The following SRGAP2 variants were observed in gnomAD, a reference collection of about 807,000 sequenced individuals.
SRGAP2 encodes the protein SLIT-ROBO Rho GTPase activating protein 2, also known as SLIT-ROBO Rho GTPase-activating protein 2.
SRGAP2 carries 15 observed loss-of-function variants against 57.2 expected under a neutral mutation model. The observed-to-expected ratio is 0.26, with a 90% CI of 0.18 to 0.40. The LOEUF (loss-of-function observed/expected upper bound fraction) is 0.40. Ranked by LOEUF, SRGAP2 falls within the 10% of genes least tolerant of loss-of-function variation. The pLI, the probability that SRGAP2 is intolerant of heterozygous loss-of-function variation, is 1.00. For synonymous variants in SRGAP2, 249 were observed against 248.0 expected, an observed-to-expected ratio of 1.00 and a Z score of -0.04; for missense variants, 520 against 669.6, an observed-to-expected ratio of 0.78 and a Z score of 2.47.
chr1:206,322,463 C>T (rs1462989933), intron 3 of SRGAP2, among the ~76,000 whole-genome samples: 8 of 151,520 alleles, frequency 5.3e-5, no homozygotes, highest in Non-Finnish European at 1.2e-4. Flanking sequence ...GCCTGTGGTC[C>T]CAGCTACTGG....
chr1:206,437,744 TG>T, intron 15 of SRGAP2: 1 of 552,284 alleles, frequency 1.8e-6, no homozygotes. Flanking sequence ...GAGTTTATAT[TG>T]GTGGACTCAT....
At position 206,384,242 on chromosome 1, in the gene SRGAP2, A is replaced by G. The variant is rs577071115; in HGVS notation, c.486+166A>G. The stretch of plus-strand genomic sequence containing the variant: ...TCTCTTTTTTCACACTCGTCTTTTC[A>G]AAACGGAATGAGTCAAAAAATACTT... On this transcript the variant is annotated intron_variant, in intron 5 of 22. Coordinates refer to ENST00000573034, the MANE Select transcript of SRGAP2 (RefSeq NM_015326.5). 5.8e-3 allele frequency among the ~76,000 whole-genome samples: 845 copies of G among 145,618 alleles called. 8 individuals are homozygous for G. The highest frequency in any genetic ancestry group is 0.022 in the African/African-American group (794 of 36,342).
chr1:206,449,362 G>A (rs2103375764), intron 18 of SRGAP2, among the ~76,000 whole-genome samples: 1 of 147,990 alleles, frequency 6.8e-6, no homozygotes, highest in South Asian at 2.1e-4. Flanking sequence ...CACGATCATG[G>A]CTCACTGCAG....
chr1:206,451,757 A>G (rs1398542328), intron 19 of SRGAP2, among the ~76,000 whole-genome samples: 1 of 152,198 alleles, frequency 6.6e-6, no homozygotes, highest in Non-Finnish European at 1.5e-5. Context: ...AGTGAAAAAG[A>G]TATGGCCGCT....
chr1:206,448,136 C>T (rs1219702191), intron 18 of SRGAP2, among the ~76,000 whole-genome samples: 1 of 152,074 alleles, frequency 6.6e-6, no homozygotes, highest in Non-Finnish European at 1.5e-5. Context: ...GAGAGAAGTG[C>T]CAGCCCCGGG....
chr1:206,325,375 A>G (rs1490279994), intron 3 of SRGAP2, among the ~76,000 whole-genome samples: 1 of 151,220 alleles, frequency 6.6e-6, no homozygotes, highest in Non-Finnish European at 1.5e-5. Flanking sequence ...ATGGGGTCTC[A>G]CTCTTTCACC....
chr1:206,409,591 G>A (rs1659001803), intron 10 of SRGAP2, among the ~76,000 whole-genome samples: 1 of 152,116 alleles, frequency 6.6e-6, no homozygotes. Context: ...AGACCAGCCT[G>A]GACAACATGG....
At chr1:206,440,194 A>C in intron 17 of SRGAP2, 113 bp downstream of exon 17, 1 of 672,426 alleles carries the variant, frequency 1.5e-6, no homozygotes, top group Non-Finnish European at 2.7e-6. Context: ...TTGAGCACCT[A>C]CTGTGTGCTA....
rs1553363437 is a variant in SRGAP2, at chr1:206,419,369, A to G, written c.1442-4A>G. On this transcript the variant is annotated splice_polypyrimidine_tract_variant and splice_region_variant and intron_variant, in intron 11 of 22. Coordinates refer to ENST00000573034, the MANE Select transcript of SRGAP2 (RefSeq NM_015326.5). ...AATGCTTTTTGCCTTTGTGTTTCCA[A>G]CAGGTCAGCGGACAGATTGCAGTCT... is the stretch of plus-strand genomic sequence containing the variant. 4 of 780,654 alleles carry G rather than the reference A, an allele frequency of 5.1e-6. No individual in the cohort carries two copies. The highest frequency in any genetic ancestry group is 1.3e-5 in the South Asian group (1 of 74,608). The allele number at this position is 780,654 out of a possible 1,614,324, so 48.4% of individuals were successfully genotyped here. A position where few individuals can be genotyped will look rare whatever the true frequency, so the allele number is the denominator to read the frequency against.
chr1:206,427,654 A>G (rs973079990), intron 13 of SRGAP2, among the ~76,000 whole-genome samples: 11 of 152,170 alleles, frequency 7.2e-5, no homozygotes, highest in Non-Finnish European at 2.9e-5. Context: ...GGATCCACGC[A>G]GACCTGTCAA....
chr1:206,430,448 C>T (rs551284840), intron 14 of SRGAP2, among the ~76,000 whole-genome samples: 11 of 152,308 alleles, frequency 7.2e-5, no homozygotes, highest in East Asian at 1.9e-4. Flanking sequence ...CCACTTATCA[C>T]GCAGCATTTT....
intron 4 of SRGAP2, among the ~76,000 whole-genome samples, chr1:206,373,022 T>TTTCTTTCCTTCC: frequency 8.1e-6 from 1 of 123,290 alleles, no homozygotes; most frequent in Non-Finnish European, 1.7e-5. Context: ...TCTTTCTTTC[T>TTTCTTTCCTTCC]TTCTTTTCTT....
At chr1:206,449,044 GGCCAGGCT>G (rs1464857029) in intron 18 of SRGAP2, among the ~76,000 whole-genome samples, 5 of 152,104 alleles carry the variant, frequency 3.3e-5, no homozygotes, top group Non-Finnish European at 7.4e-5. Flanking sequence ...GAAACTGTGC[GGCCAGGCT>G]GCCAGGCTGA....
intron 17 of SRGAP2, among the ~76,000 whole-genome samples, chr1:206,441,558 G>A (rs1662308671): frequency 6.6e-6 from 1 of 152,174 alleles, no homozygotes; most frequent in African/African-American, 2.4e-5. Context: ...CAACAGCCTA[G>A]ACCAAAGGTT....
chr1:206,384,714 C>T (rs1486020258), intron 5 of SRGAP2, among the ~76,000 whole-genome samples: 2 of 149,816 alleles, frequency 1.3e-5, no homozygotes, highest in African/African-American at 2.5e-5. Flanking sequence ...GTGGCTGGTG[C>T]GTGTTAATTC....
At chr1:206,417,436 G>A (rs1401619165) in intron 11 of SRGAP2, among the ~76,000 whole-genome samples, 1 of 38,738 alleles carries the variant, frequency 2.6e-5, no homozygotes, top group South Asian at 7.2e-4. Flanking sequence ...TTTTTTTTTT[G>A]AGATGGAGTC....
intron 14 of SRGAP2, among the ~76,000 whole-genome samples, chr1:206,434,028 T>C (rs550054396): frequency 6.0e-4 from 91 of 152,270 alleles, no homozygotes; most frequent in African/African-American, 2.0e-3. Flanking sequence ...GCTCATGAAC[T>C]CCCTAAAAAA....
intron 5 of SRGAP2, among the ~76,000 whole-genome samples, chr1:206,389,915 A>C (rs1656762897): frequency 6.6e-6 from 1 of 151,660 alleles, no homozygotes; most frequent in Admixed American, 6.6e-5. Context: ...ATCTATATAT[A>C]CATATATGTG....
intron 17 of SRGAP2, among the ~76,000 whole-genome samples, chr1:206,444,084 G>C (rs1662542742): frequency 6.6e-6 from 1 of 152,094 alleles, no homozygotes; most frequent in African/African-American, 2.4e-5. Context: ...CAGCTACTTG[G>C]GAGGCTGAGG....
Sources: allele counts gnomAD v4.1 joint callset (sites outside exome capture counted in the v4.1 genomes callset), GRCh38; gene constraint gnomAD v4.1.1; transcripts MANE v1.5; gene names NCBI Gene and HGNC (gene_info 2026-07-23, HGNC 2026-07-21).